NPEPL1: variants seen among roughly 807,000 people sequenced by gnomAD.
NPEPL1 encodes probable aminopeptidase NPEPL1.
A neutral mutation model predicts 52.4 loss-of-function variants in NPEPL1; 45 were observed. The observed-to-expected ratio is 0.86, with a 90% confidence interval of 0.68 to 1.10. The LOEUF is 1.10. NPEPL1 is among the 50% of genes least tolerant of loss of function. NPEPL1 has a pLI of 0.00. For missense variants in NPEPL1, 696 were observed against 710.9 expected, an observed-to-expected ratio of 0.98 and a Z score of 0.24; for synonymous variants, 360 against 314.7, an observed-to-expected ratio of 1.14 and a Z score of -1.52.
In NPEPL1 at chr20:58,712,541, G is replaced by A. The variant is rs545705041; in HGVS notation, c.963G>A (p.Ala321=). Residue 321 remains alanine, a synonymous_variant, in exon 8 of 12, where the codon GCG becomes GCA. Transcript: ENST00000356091. ...CLAENSVGPN[A]TRPDDIHLLY... is the part of the protein sequence containing the mutation. The stretch of plus-strand genomic sequence containing the variant: ...CTGAGAACTCGGTGGGGCCCAATGC[G>A]ACAAGGCCAGATGACATCCACCTGC... 6.3e-5 allele frequency: 102 copies of A among 1,613,260 alleles called. No individual in the cohort carries two copies. Among genetic ancestry groups the A allele is most frequent in the East Asian group, 4.2e-4 (19 of 44,834 alleles).
At chr20:58,707,748 C>T (rs144806844) in intron 7 of NPEPL1, among the ~76,000 whole-genome samples, 318 of 152,162 alleles carry the variant, frequency 2.1e-3, no homozygotes, top group African/African-American at 7.3e-3. Context: ...GAGTGACCTT[C>T]CCATGGAGCC....
At chr20:58,702,274 C>A (rs549468132) in intron 6 of NPEPL1, among the ~76,000 whole-genome samples, 1 of 151,876 alleles carries the variant, frequency 6.6e-6, no homozygotes, top group East Asian at 1.9e-4. Context: ...CAGCATTCCC[C>A]TGCAGCCAGT....
At chr20:58,712,389 T>C in intron 7 of NPEPL1, 90 bp from the exon 8 acceptor site, 1 of 800,968 alleles carries the variant, frequency 1.2e-6, no homozygotes, top group Admixed American at 1.8e-5. Context: ...TCTCTCCTGC[T>C]GTCTGTGGGT....
chr20:58,691,822 G>A, upstream of NPEPL1: 1 of 1,545,398 alleles, frequency 6.5e-7, no homozygotes. Flanking sequence ...TGAGCAATCA[G>A]GATGTTGGGT....
intron 6 of NPEPL1, chr20:58,703,743 G>GA (rs954390985): frequency 6.1e-6 from 6 of 985,260 alleles, no homozygotes; most frequent in Non-Finnish European, 7.2e-6. Flanking sequence ...TAACACAAAG[G>GA]AAAAACCTGA....
chr20:58,701,244 G>T, intron 6 of NPEPL1, 86 bp downstream of exon 6: 1 of 297,946 alleles, frequency 3.4e-6, no homozygotes, highest in Non-Finnish European at 5.3e-6. Context: ...GGTGCCCTGG[G>T]GGTGGGGTGG....
chr20:58,704,059 C>T (rs2084689428), intron 6 of NPEPL1: 2 of 985,276 alleles, frequency 2.0e-6, no homozygotes, highest in Non-Finnish European at 2.4e-6. Flanking sequence ...GCAGGCCTTT[C>T]CTGAGCTGTT....
chr20:58,694,067 A>C, intron 2 of NPEPL1, 145 bp downstream of exon 2: 1 of 854,536 alleles, frequency 1.2e-6, no homozygotes, highest in Non-Finnish European at 1.7e-6. Flanking sequence ...AGACAGGGAA[A>C]CAGGTCCAGA....
chr20:58,710,963 G>C (rs1437737329), intron 7 of NPEPL1: 2 of 152,376 alleles, frequency 1.3e-5, no homozygotes, highest in East Asian at 3.9e-4. Flanking sequence ...CTCTGCCCCA[G>C]ACCTGCTGGA....
chr20:58,710,502 A>T (rs907519057), intron 7 of NPEPL1, among the ~76,000 whole-genome samples: 57 of 151,608 alleles, frequency 3.8e-4, no homozygotes, highest in Non-Finnish European at 7.4e-4. Flanking sequence ...TGGCACCAAA[A>T]AAAAAAGCCC....
chr20:58,714,731 C>A, intron 11 of NPEPL1, 61 bp downstream of exon 11: 1 of 1,326,638 alleles, frequency 7.5e-7, no homozygotes. Flanking sequence ...AAACAGCGCC[C>A]CTCTGGCTCT....
chr20:58,698,675 T>A lies in NPEPL1; in HGVS notation c.508-9T>A. The A allele has an allele frequency of 6.2e-7, 1 of 1,611,584 alleles. No individual in the cohort carries two copies. The highest frequency in any genetic ancestry group is 8.5e-7 in the Non-Finnish European group (1 of 1,179,346). The stretch of plus-strand genomic sequence containing the variant: ...ACCTGGTCCCCAGTGATGGCCTTTT[T>A]CTCCCTAGTGCTTAGCGAATGCCAC... On this transcript the variant is annotated splice_polypyrimidine_tract_variant and intron_variant, in intron 3 of 11. Transcript: ENST00000356091.
intron 7 of NPEPL1, chr20:58,711,067 C>T (rs1320664983): frequency 3.7e-5 from 4 of 107,414 alleles, no homozygotes; most frequent in African/African-American, 5.9e-5. Context: ...CCTCCCCGCT[C>T]CTCCCTCCTC....
At chr20:58,706,528 C>G (rs1399713417) in intron 6 of NPEPL1, among the ~76,000 whole-genome samples, 3 of 152,128 alleles carry the variant, frequency 2.0e-5, no homozygotes, top group Non-Finnish European at 4.4e-5. Flanking sequence ...CGGCAGCAGC[C>G]CCTCAGGCTT....
intron 1 of NPEPL1, 73 bp from the exon 2 acceptor site, chr20:58,693,664 C>T: frequency 7.1e-7 from 1 of 1,405,928 alleles, no homozygotes; most frequent in Non-Finnish European, 9.8e-7. Context: ...GTGGCCGTGG[C>T]TGCAGGGCAG....
chr20:58,713,364 C>G lies in NPEPL1; in HGVS notation c.1002-56C>G. The stretch of plus-strand genomic sequence containing the variant: ...GGGTCTCCCCAGTTTCAAAGGGGCT[C>G]ATGCCAGTGTCCCAGGAAATCCCGT... On this transcript the variant is annotated intron_variant, in intron 8 of 11. Coordinates refer to ENST00000356091, the MANE Select transcript of NPEPL1 (RefSeq NM_024663.4). The surrounding 1 kb of genome is among the most constrained non-coding windows in gnomAD (Gnocchi z 4.6). The G allele has an allele frequency of 2.6e-6, 4 of 1,522,200 alleles. No homozygotes were observed. The highest frequency in any genetic ancestry group is 3.5e-6 in the Non-Finnish European group (4 of 1,127,146). 94.3% of individuals were successfully genotyped at this position (1,522,200 alleles called of 1,614,324 possible).
chr20:58,694,022 C>T, intron 2 of NPEPL1, 100 bp downstream of exon 2: 1 of 1,179,024 alleles, frequency 8.5e-7, no homozygotes, highest in Non-Finnish European at 1.2e-6. Context: ...CAGCGCACGC[C>T]CAGAGGGCTG....
chr20:58,709,918 A>G (rs1187574441), intron 7 of NPEPL1, among the ~76,000 whole-genome samples: 1 of 151,316 alleles, frequency 6.6e-6, no homozygotes, highest in Non-Finnish European at 1.5e-5. Context: ...TGGTCCCGAG[A>G]GGTGATGGTC....
intron 5 of NPEPL1, among the ~76,000 whole-genome samples, chr20:58,700,312 C>T (rs1434035714): frequency 1.3e-5 from 2 of 152,186 alleles, no homozygotes; most frequent in East Asian, 1.9e-4. Flanking sequence ...AATACCCAGA[C>T]GTGGGGGCCA....
Sources: allele counts gnomAD v4.1 joint callset (sites outside exome capture counted in the v4.1 genomes callset), GRCh38; gene constraint gnomAD v4.1.1; non-coding constraint Gnocchi (gnomAD v3.1); transcripts MANE v1.5; gene names NCBI Gene and HGNC (gene_info 2026-07-23, HGNC 2026-07-21).